The following PTPRG variants were observed in gnomAD, a reference collection of about 807,000 sequenced individuals.
The protein encoded by PTPRG is protein tyrosine phosphatase receptor type G, also known as receptor-type tyrosine-protein phosphatase gamma.
A neutral mutation model predicts 165.3 loss-of-function variants in PTPRG; 102 were observed. That is an observed-to-expected ratio of 0.62 (90% confidence interval 0.53 to 0.73). The LOEUF is 0.73. Among genes scored for constraint, PTPRG ranks in the 30% least tolerant of loss-of-function variants. PTPRG has a pLI of 0.00. For missense variants in PTPRG, 1,866 were observed against 1,861.4 expected, an observed-to-expected ratio of 1.00 and a Z score of -0.05; for synonymous variants, 675 against 669.5, an observed-to-expected ratio of 1.01 and a Z score of -0.13.
chr3:61,637,554 C>A (rs1701946813), intron 1 of PTPRG, among the ~76,000 whole-genome samples: 1 of 152,164 alleles, frequency 6.6e-6, no homozygotes, highest in African/African-American at 2.4e-5. Flanking sequence ...AAGCAGAACG[C>A]TTTCTGTTCC....
rs112207983 is a variant in PTPRG at position 61,701,675 on chromosome 3, A to G, written c.86-47203A>G. Among the ~76,000 whole-genome samples the G allele has an allele frequency of 7.7e-3, 1,171 of 152,274 alleles. 10 individuals are homozygous for G. Among genetic ancestry groups the G allele is most frequent in the African/African-American group, 0.026 (1,085 of 41,536 alleles). ...TAGTTTGGGAGGCCAAGGTGGGTGG[A>G]TCCCTTGAGCCCAAGAGTTCAGGAC... is the stretch of plus-strand genomic sequence containing the variant. On this transcript the variant is annotated intron_variant, in intron 1 of 29. Transcript: ENST00000474889.
At chr3:61,969,387 G>T (rs915091084) in intron 2 of PTPRG, among the ~76,000 whole-genome samples, 5 of 152,182 alleles carry the variant, frequency 3.3e-5, no homozygotes, top group Non-Finnish European at 7.3e-5. Context: ...CAAATAATTT[G>T]TGAATGAATT....
intron 1 of PTPRG, among the ~76,000 whole-genome samples, chr3:61,615,561 T>C (rs1471092863): frequency 6.6e-6 from 1 of 152,246 alleles, no homozygotes; most frequent in Non-Finnish European, 1.5e-5. Flanking sequence ...CTTAAACTTA[T>C]TCTTCTTTTT....
At chr3:61,982,384 A>G (rs2040661055) in intron 2 of PTPRG, among the ~76,000 whole-genome samples, 1 of 152,172 alleles carries the variant, frequency 6.6e-6, no homozygotes. Context: ...AATTATTGGT[A>G]GAAATTTTTA....
At chr3:61,849,041 T>C (rs1229360161) in intron 2 of PTPRG, among the ~76,000 whole-genome samples, 2 of 152,212 alleles carry the variant, frequency 1.3e-5, no homozygotes, top group East Asian at 1.9e-4. Flanking sequence ...GCGTTTGTTC[T>C]TGCAGTCTTT....
intron 5 of PTPRG, among the ~76,000 whole-genome samples, chr3:62,094,069 G>A (rs573806394): frequency 1.8e-4 from 27 of 152,274 alleles, no homozygotes; most frequent in African/African-American, 2.2e-4. Flanking sequence ...AACCTGTAAA[G>A]TAGGGACTTC....
At position 62,219,910 on chromosome 3, in the gene PTPRG, A is replaced by G. The variant is rs989711617; in HGVS notation, c.2288+927A>G. Among the ~76,000 whole-genome samples, 1 of 152,258 alleles carries G rather than the reference A, an allele frequency of 6.6e-6. No homozygotes were observed. Among genetic ancestry groups the G allele is most frequent in the Non-Finnish European group, 1.5e-5 (1 of 68,040 alleles). ...AAATAAGTAAAACATGTAATTTCTAAGATGGTGGTAACTGGATAATGGAGA... is the reference window on the plus strand; with the variant it reads ...AAATAAGTAAAACATGTAATTTCTAGGATGGTGGTAACTGGATAATGGAGA... On this transcript the variant is annotated intron_variant, in intron 13 of 29. Transcript: ENST00000474889. The surrounding 1 kb of genome is among the most constrained non-coding windows in gnomAD (Gnocchi z 4.5).
At chr3:61,886,124 A>T (rs1559669363) in intron 2 of PTPRG, among the ~76,000 whole-genome samples, 1 of 152,042 alleles carries the variant, frequency 6.6e-6, no homozygotes. Context: ...GTTATCCCAC[A>T]GTTTAGATAA....
chr3:61,908,830 A>G (rs891293310), intron 2 of PTPRG, among the ~76,000 whole-genome samples: 2 of 152,214 alleles, frequency 1.3e-5, no homozygotes, highest in Non-Finnish European at 2.9e-5. Flanking sequence ...GTTAGGGCTT[A>G]GGCTTAACAC....
chr3:61,757,362 A>G (rs780196386), intron 2 of PTPRG, among the ~76,000 whole-genome samples: 27 of 152,002 alleles, frequency 1.8e-4, no homozygotes, highest in Non-Finnish European at 3.8e-4. Context: ...TTTTTATTTT[A>G]GAGTAGATGG....
intron 1 of PTPRG, among the ~76,000 whole-genome samples, chr3:61,650,319 G>A (rs1054601138): frequency 2.0e-5 from 3 of 152,164 alleles, no homozygotes; most frequent in African/African-American, 7.2e-5. Flanking sequence ...ATCTACCATT[G>A]CCACTCACCT....
Position 61,646,136 on chromosome 3 carries a change from C to T in PTPRG, c.85+83764C>T, listed in dbSNP as rs553507004. Among the ~76,000 whole-genome samples, 126 of 152,220 alleles carry T rather than the reference C, an allele frequency of 8.3e-4. 6 individuals are homozygous for T. The South Asian group carries it at 0.026, about 31-fold the overall frequency. ...TTTTTATTTTTTTGAGATGGGGTCTCACTCTGTCACCCAGGCTGGAGTGCA... is the reference window on the plus strand; with the variant it reads ...TTTTTATTTTTTTGAGATGGGGTCTTACTCTGTCACCCAGGCTGGAGTGCA... On this transcript the variant is annotated intron_variant, in intron 1 of 29. Transcript: ENST00000474889.
chr3:61,846,450 G>A (rs900714911), intron 2 of PTPRG, among the ~76,000 whole-genome samples: 28 of 152,082 alleles, frequency 1.8e-4, no homozygotes, highest in African/African-American at 6.0e-4. Flanking sequence ...ACACCCATCT[G>A]GATTCCCTTC....
At chr3:62,151,755 G>T (rs896682162) in intron 6 of PTPRG, among the ~76,000 whole-genome samples, 1 of 152,040 alleles carries the variant, frequency 6.6e-6, no homozygotes, top group Admixed American at 6.6e-5. Flanking sequence ...TATGATAAAA[G>T]TTGGAGGCAG....
chr3:61,789,822 GGCT>G (rs1474242495), intron 2 of PTPRG, among the ~76,000 whole-genome samples: 1 of 152,134 alleles, frequency 6.6e-6, no homozygotes, highest in Non-Finnish European at 1.5e-5. Context: ...TGTTATTTGA[GGCT>G]TCTGTTGTAA....
chr3:62,269,315 A>G lies in PTPRG; in HGVS notation c.3009+146A>G, dbSNP rs943826175. 4.8e-6 allele frequency: 4 copies of G among 840,414 alleles called. No individual in the cohort carries two copies. In the African/African-American group the frequency reaches 6.8e-5, roughly 14 times the overall value. 52.1% of individuals were successfully genotyped at this position (840,414 alleles called of 1,614,324 possible). A position where few individuals can be genotyped will look rare whatever the true frequency, so the allele number is the denominator to read the frequency against. ...TTTTTTCATAACTCTTTTGATTGAC[A>G]TCAGTGTATGGTGTGAAAGGTATTG... is the stretch of plus-strand genomic sequence containing the variant. On this transcript the variant is annotated intron_variant, in intron 20 of 29. Transcript: ENST00000474889.
At chr3:61,966,011 C>T (rs142642281) in intron 2 of PTPRG, among the ~76,000 whole-genome samples, 1 of 152,326 alleles carries the variant, frequency 6.6e-6, no homozygotes, top group African/African-American at 2.4e-5. Context: ...AAAAACAAAT[C>T]TATTCTAGCT....
intron 2 of PTPRG, among the ~76,000 whole-genome samples, chr3:61,761,627 A>G (rs939723787): frequency 1.3e-5 from 2 of 152,130 alleles, no homozygotes; most frequent in African/African-American, 4.8e-5. Context: ...CCTGACTGGC[A>G]TGGCGTGGTA....
At chr3:62,043,939 A>G (rs1266211127) in intron 4 of PTPRG, among the ~76,000 whole-genome samples, 1 of 152,236 alleles carries the variant, frequency 6.6e-6, no homozygotes, top group Non-Finnish European at 1.5e-5. Flanking sequence ...TGGCATGTAC[A>G]GGGAGCTAGA....
Sources: allele counts gnomAD v4.1 joint callset (sites outside exome capture counted in the v4.1 genomes callset), GRCh38; gene constraint gnomAD v4.1.1; non-coding constraint Gnocchi (gnomAD v3.1); transcripts MANE v1.5; gene names NCBI Gene and HGNC (gene_info 2026-07-23, HGNC 2026-07-21).